Variants in THRA observed in about 807,000 individuals in gnomAD.
THRA encodes the protein thyroid hormone receptor alpha, also known as EAR-7.
Under a neutral mutation model 45.0 loss-of-function variants are expected in THRA, and 13 were observed. The ratio of observed to expected loss-of-function variants is 0.29; its 90% CI spans 0.19 to 0.46. THRA has a LOEUF of 0.46. Among genes scored for constraint, THRA ranks in the 20% least tolerant of loss-of-function variants. The pLI is 1.00. For missense variants in THRA, 278 were observed against 556.1 expected, an observed-to-expected ratio of 0.50 and a Z score of 5.03; for synonymous variants, 195 against 214.0, an observed-to-expected ratio of 0.91 and a Z score of 0.78.
intron 1 of THRA, chr17:40,069,011 AGTGTGTGTGTCTGCACGTGTCC>A (rs1393977056): frequency 1.3e-5 from 2 of 152,174 alleles, no homozygotes; most frequent in African/African-American, 4.9e-5. Flanking sequence ...ATGCGGGGTG[AGTGTGTGTGTCTGCACGTGTCC>A]GTGTGTGTGC....
intron 4 of THRA, among the ~76,000 whole-genome samples, chr17:40,078,104 A>G (rs1987014402): frequency 6.6e-6 from 1 of 152,232 alleles, no homozygotes; most frequent in African/African-American, 2.4e-5. Flanking sequence ...CTTCATCTAT[A>G]AAATGAGGAT....
intron 1 of THRA, among the ~76,000 whole-genome samples, chr17:40,063,351 C>G (rs1173787663): frequency 1.3e-5 from 2 of 152,164 alleles, no homozygotes; most frequent in Admixed American, 6.5e-5. Flanking sequence ...TCCGAGCCTC[C>G]CCCTGGAGGG....
chr17:40,071,265 G>A (rs1294004715), intron 1 of THRA, among the ~76,000 whole-genome samples: 2 of 152,248 alleles, frequency 1.3e-5, no homozygotes, highest in Non-Finnish European at 2.9e-5. Flanking sequence ...GGTTAATGCG[G>A]GTAGTATTGG....
intron 1 of THRA, chr17:40,069,079 CCTCCCTCTCTCCCTCCCTCTCTCT>C (rs1345470349): frequency 6.7e-6 from 1 of 150,020 alleles, no homozygotes; most frequent in Admixed American, 6.7e-5. Flanking sequence ...GCGCTCTCTC[CCTCCCTCTCTCCCTCCCTCTCTCT>C]CTCCCTCCCT....
intron 1 of THRA, among the ~76,000 whole-genome samples, chr17:40,073,920 A>T (rs1986862512): frequency 6.6e-6 from 1 of 152,142 alleles, no homozygotes; most frequent in Non-Finnish European, 1.5e-5. Context: ...TTGTCTGAAT[A>T]TGAAGACTGA....
At chr17:40,074,613 T>C in intron 2 of THRA, 72 bp downstream of exon 2, 2 of 1,548,384 alleles carry the variant, frequency 1.3e-6, no homozygotes, top group Admixed American at 1.7e-5. Context: ...AGCTCTCCTT[T>C]AGGCACCGCC....
intron 1 of THRA, among the ~76,000 whole-genome samples, chr17:40,068,536 G>A (rs1986652523): frequency 6.6e-6 from 1 of 152,262 alleles, no homozygotes; most frequent in Non-Finnish European, 1.5e-5. Context: ...GTATGCCATT[G>A]CGTGAGGTGG....
In THRA at chr17:40,090,309, G is replaced by A. The variant is rs1201466776; in HGVS notation, c.*853G>A. The A allele has an allele frequency of 6.7e-6, 1 of 149,740 alleles. No homozygotes were observed. Among genetic ancestry groups the A allele is most frequent in the Non-Finnish European group, 1.5e-5 (1 of 67,820 alleles). 9.3% of individuals were successfully genotyped at this position (149,740 alleles called of 1,614,324 possible). On this transcript the variant is annotated 3_prime_UTR_variant, in exon 9 of 9. Coordinates refer to ENST00000450525, the MANE Select transcript of THRA (RefSeq NM_199334.5). ...CTTTGGCACCCCCCAACCCTAGTAT[G>A]TCCTCTGCTTTCTGCCACTCGTGCC...
Position 40,092,894 on chromosome 17 carries a change from A to C in THRA, c.*3438A>C. 2.2e-6 allele frequency: 3 copies of C among 1,349,828 alleles called. No individual in the cohort carries two copies. Among genetic ancestry groups the C allele is most frequent in the Non-Finnish European group, 2.0e-6 (2 of 1,005,124 alleles). 83.6% of individuals were successfully genotyped at this position (1,349,828 alleles called of 1,614,324 possible). ...GTGGTTTAAATAGGGGAGGAGGGGAAGTTCGGTGATGGGGGAGGGAGGCAG... is the reference window on the plus strand; with the variant it reads ...GTGGTTTAAATAGGGGAGGAGGGGACGTTCGGTGATGGGGGAGGGAGGCAG... On this transcript the variant is annotated 3_prime_UTR_variant, in exon 9 of 9. Transcript: ENST00000450525.
chr17:40,087,359 CAT>C (rs1056870317), intron 7 of THRA, among the ~76,000 whole-genome samples: 2 of 147,016 alleles, frequency 1.4e-5, no homozygotes, highest in African/African-American at 2.5e-5. Context: ...CACACAGATA[CAT>C]AGACACACAC....
In THRA at chr17:40,091,846, C is replaced by T. The variant is rs113211153; in HGVS notation, c.*2390C>T. 6.6e-6 allele frequency: 1 copy of T among 152,482 alleles called. No homozygotes were observed. The highest frequency in any genetic ancestry group is 2.4e-5 in the African/African-American group (1 of 41,400). The allele number at this position is 152,482 out of a possible 1,614,324, so 9.4% of individuals were successfully genotyped here. ...GACTCAGGAGTGCCACGCACCTGCT[C>T]TAGAGCGGCAGCTGTCCCAGTCCCT... On this transcript the variant is annotated 3_prime_UTR_variant, in exon 9 of 9. Transcript: ENST00000450525.
At chr17:40,078,447 CTCCGGCCTG>C (rs1438900779) in intron 4 of THRA, among the ~76,000 whole-genome samples, 3 of 152,156 alleles carry the variant, frequency 2.0e-5, no homozygotes, top group Non-Finnish European at 2.9e-5. Context: ...CGCCACTGCA[CTCCGGCCTG>C]GGTGACAGAG....
intron 1 of THRA, among the ~76,000 whole-genome samples, chr17:40,063,710 A>AC (rs1258788880): frequency 9.2e-5 from 14 of 152,070 alleles, no homozygotes; most frequent in African/African-American, 3.4e-4. Flanking sequence ...GAAGGGGTGT[A>AC]CTTGGTGGTG....
Position 40,089,557 on chromosome 17 carries a change from C to T in THRA, c.*101C>T. 1 of 1,493,096 alleles carries T rather than the reference C, an allele frequency of 6.7e-7. No homozygotes were observed. Among genetic ancestry groups the T allele is most frequent in the Admixed American group, 2.2e-5 (1 of 45,016 alleles). 92.5% of individuals were successfully genotyped at this position (1,493,096 alleles called of 1,614,324 possible). A position where few individuals can be genotyped will look rare whatever the true frequency, so the allele number is the denominator to read the frequency against. On this transcript the variant is annotated 3_prime_UTR_variant, in exon 9 of 9. Coordinates refer to ENST00000450525, the MANE Select transcript of THRA (RefSeq NM_199334.5). The surrounding 1 kb of genome is among the most constrained non-coding windows in gnomAD (Gnocchi z 6.1). ...GGAGACCCCCCCACACCCCTTCTCTCCTTCCTCTCGTCCTTGGATAGATTC... is the reference window on the plus strand; with the variant it reads ...GGAGACCCCCCCACACCCCTTCTCTTCTTCCTCTCGTCCTTGGATAGATTC...
In THRA at chr17:40,089,543, C is replaced by G. The variant is rs1265039571; in HGVS notation, c.*87C>G. The G allele has an allele frequency of 2.0e-6, 3 of 1,519,952 alleles. No homozygotes were observed. The highest frequency in any genetic ancestry group is 2.6e-6 in the Non-Finnish European group (3 of 1,136,946). 94.2% of individuals were successfully genotyped at this position (1,519,952 alleles called of 1,614,324 possible). ...AGCTGGGGGCTGAGGGAGACCCCCC[C>G]ACACCCCTTCTCTCCTTCCTCTCGT... On this transcript the variant is annotated 3_prime_UTR_variant, in exon 9 of 9. Transcript: ENST00000450525. The surrounding 1 kb of genome is among the most constrained non-coding windows in gnomAD (Gnocchi z 6.1).
intron 1 of THRA, among the ~76,000 whole-genome samples, chr17:40,072,573 GGA>G (rs767289421): frequency 3.3e-5 from 5 of 152,104 alleles, no homozygotes; most frequent in African/African-American, 7.2e-5. Flanking sequence ...ACCCAGACCC[GGA>G]GAGAGAGACA....
chr17:40,083,166 A>G (rs1987206152), intron 4 of THRA, among the ~76,000 whole-genome samples: 1 of 151,556 alleles, frequency 6.6e-6, no homozygotes, highest in African/African-American at 2.4e-5. Flanking sequence ...TGACCTTGTG[A>G]TCCGCCTGCC....
chr17:40,078,491 A>G (rs982723030), intron 4 of THRA, among the ~76,000 whole-genome samples: 1 of 152,162 alleles, frequency 6.6e-6, no homozygotes, highest in Non-Finnish European at 1.5e-5. Context: ...AAAGTAAAAT[A>G]ATAAAATAAA....
intron 5 of THRA, 85 bp from the exon 6 acceptor site, chr17:40,084,525 A>G (rs1209519428): frequency 6.7e-7 from 1 of 1,498,102 alleles, no homozygotes; most frequent in African/African-American, 1.4e-5. Context: ...TCCAACCTGT[A>G]CTCTAGGAAG....
Sources: allele counts gnomAD v4.1 joint callset (sites outside exome capture counted in the v4.1 genomes callset), GRCh38; gene constraint gnomAD v4.1.1; non-coding constraint Gnocchi (gnomAD v3.1); transcripts MANE v1.5; gene names NCBI Gene and HGNC (gene_info 2026-07-23, HGNC 2026-07-21).